The following FHIT variants were observed in gnomAD, a reference collection of about 807,000 sequenced individuals.
The protein encoded by FHIT is bis(5'-adenosyl)-triphosphatase.
FHIT carries 19 observed loss-of-function variants against 17.9 expected under a neutral mutation model. The ratio of observed to expected loss-of-function variants is 1.06; its 90% CI spans 0.74 to 1.56. FHIT has a LOEUF of 1.56. Ranked by LOEUF, FHIT falls within the 40% of genes most tolerant of loss-of-function variation. The pLI is 0.00. For synonymous variants in FHIT, 81 were observed against 69.7 expected, an observed-to-expected ratio of 1.16 and a Z score of -0.81; for missense variants, 248 against 189.2, an observed-to-expected ratio of 1.31 and a Z score of -1.82.
intron 4 of FHIT, among the ~76,000 whole-genome samples, chr3:60,784,642 C>T (rs986152014): frequency 6.6e-6 from 1 of 152,198 alleles, no homozygotes; most frequent in Non-Finnish European, 1.5e-5. Context: ...GGCCTCCTTC[C>T]AGGCTCTGAT....
In FHIT at chr3:60,105,477, G is replaced by A. The variant is rs1041528753; in HGVS notation, c.104-91325C>T. On this transcript the variant is annotated intron_variant, in intron 5 of 9. Transcript: ENST00000492590. ...ATGTGTGGCTTCTCTACTTTTCTAG[G>A]AATTACATTTAAAATGTAAGAGGAC... 2.5e-4 allele frequency among the ~76,000 whole-genome samples: 38 copies of A among 152,090 alleles called. 2 individuals are homozygous for A. Among genetic ancestry groups the A allele is most frequent in the Admixed American group, 1.3e-4 (2 of 15,258 alleles).
chr3:60,154,923 C>G (rs1427994467), intron 5 of FHIT, among the ~76,000 whole-genome samples: 3 of 152,126 alleles, frequency 2.0e-5, no homozygotes, highest in Admixed American at 6.5e-5. Context: ...GGACCAGGCA[C>G]GATGGCTCAC....
chr3:60,387,716 G>A lies in FHIT; in HGVS notation c.103+149144C>T, dbSNP rs528998136. On this transcript the variant is annotated intron_variant, in intron 5 of 9. Coordinates refer to ENST00000492590, the MANE Select transcript of FHIT (RefSeq NM_002012.4). ...TATTGTCACCACAGGCCTTTGAAGC[G>A]ACTATACCCTCAAACACACCATACT... 1.1e-3 allele frequency among the ~76,000 whole-genome samples: 173 copies of A among 152,020 alleles called. 2 individuals carry two copies. Among genetic ancestry groups the A allele is most frequent in the African/African-American group, 3.8e-3 (156 of 41,440 alleles).
At chr3:60,970,076 G>C (rs368574177) in intron 3 of FHIT, among the ~76,000 whole-genome samples, 1 of 151,984 alleles carries the variant, frequency 6.6e-6, no homozygotes, top group African/African-American at 2.4e-5. Flanking sequence ...TGCCTGCCTC[G>C]GCCTCCCAAA....
At chr3:60,023,835 A>G (rs190448199) in intron 5 of FHIT, among the ~76,000 whole-genome samples, 243 of 152,258 alleles carry the variant, frequency 1.6e-3, no homozygotes, top group Non-Finnish European at 2.4e-3. Context: ...AATAAATGTC[A>G]TGTAGGCTTA....
chr3:59,883,578 A>G (rs1193651725), intron 8 of FHIT, among the ~76,000 whole-genome samples: 1 of 152,232 alleles, frequency 6.6e-6, no homozygotes, highest in Admixed American at 6.5e-5. Flanking sequence ...CTCACAACAC[A>G]TGAGAATCAT....
chr3:60,589,037 G>A (rs188495255), intron 4 of FHIT, among the ~76,000 whole-genome samples: 113 of 152,104 alleles, frequency 7.4e-4, no homozygotes, highest in African/African-American at 2.6e-3. Flanking sequence ...GGAGCCTATG[G>A]GTTCTACCGG....
At chr3:60,013,746 T>C (rs1203018347) in intron 6 of FHIT, among the ~76,000 whole-genome samples, 4 of 152,178 alleles carry the variant, frequency 2.6e-5, no homozygotes, top group African/African-American at 9.7e-5. Context: ...TTGGAATGTC[T>C]GAATGTCCAT....
chr3:60,457,651 A>T (rs191676626), intron 5 of FHIT, among the ~76,000 whole-genome samples: 11 of 151,990 alleles, frequency 7.2e-5, no homozygotes, highest in Non-Finnish European at 1.2e-4. Context: ...GGCAACCTAC[A>T]GAATGGGAGA....
In FHIT at chr3:61,242,470, C is replaced by A. The variant is rs542067860; in HGVS notation, c.-213+8831G>T. Among the ~76,000 whole-genome samples, 9 of 152,184 alleles carry A rather than the reference C, an allele frequency of 5.9e-5. No individual in the cohort carries two copies. In the South Asian group the frequency reaches 1.7e-3, roughly 28 times the overall value. On this transcript the variant is annotated intron_variant, in intron 1 of 9. Transcript: ENST00000492590. ...TTCATTTACCATACATTTTCCTAGTCATTTTTTCACAGTTTATCCCCCTAC... is the reference window on the plus strand; with the variant it reads ...TTCATTTACCATACATTTTCCTAGTAATTTTTTCACAGTTTATCCCCCTAC...
intron 8 of FHIT, among the ~76,000 whole-genome samples, chr3:59,864,379 G>A (rs977369583): frequency 4.6e-5 from 7 of 152,122 alleles, no homozygotes; most frequent in Non-Finnish European, 7.4e-5. Context: ...CTGCCACCAT[G>A]TAAGAAGTGC....
chr3:60,142,170 C>A lies in FHIT; in HGVS notation c.104-128018G>T, dbSNP rs900928072. Among the ~76,000 whole-genome samples the A allele has an allele frequency of 5.3e-5, 8 of 152,152 alleles. No homozygotes were observed. The South Asian group carries it at 1.7e-3, about 31-fold the overall frequency. The stretch of plus-strand genomic sequence containing the variant: ...CAAGAATGTAAGATCTAAAGCCAGC[C>A]TTTATCAGCTCAAATCATGACTCTG... On this transcript the variant is annotated intron_variant, in intron 5 of 9. Transcript: ENST00000492590.
At chr3:60,900,073 G>A (rs140782555) in intron 3 of FHIT, among the ~76,000 whole-genome samples, 1 of 152,312 alleles carries the variant, frequency 6.6e-6, no homozygotes, top group East Asian at 1.9e-4. Flanking sequence ...AGAGTTGGGG[G>A]CAGCTTCAAG....
intron 5 of FHIT, among the ~76,000 whole-genome samples, chr3:60,431,312 TAGTATTTA>T (rs1702892407): frequency 6.6e-6 from 1 of 152,108 alleles, no homozygotes; most frequent in African/African-American, 2.4e-5. Flanking sequence ...CCTAATGATT[TAGTATTTA>T]AGTTTTCTTT....
In FHIT at chr3:60,035,422, G is replaced by GA. The variant is rs1298175570; in HGVS notation, c.104-21271dup. Among the ~76,000 whole-genome samples the GA allele has an allele frequency of 5.1e-4, 78 of 152,320 alleles. 1 individual carries two copies. The highest frequency in any genetic ancestry group is 1.2e-3 in the African/African-American group (50 of 41,560). ...CAGCTAATTTTTTGTATTTTTAGTA[G>GA]AGAAGAGGTTTCACCTTGTTGGCCA... On this transcript the variant is annotated intron_variant, in intron 5 of 9. Coordinates refer to ENST00000492590, the MANE Select transcript of FHIT (RefSeq NM_002012.4).
intron 3 of FHIT, among the ~76,000 whole-genome samples, chr3:60,928,522 C>T (rs1176174067): frequency 1.3e-5 from 2 of 149,608 alleles, no homozygotes; most frequent in Admixed American, 1.3e-4. Flanking sequence ...GCACTCCAGC[C>T]TAGGTGACAG....
chr3:60,337,584 T>C (rs17062786), intron 5 of FHIT, among the ~76,000 whole-genome samples: 6,565 of 152,260 alleles, frequency 0.043, 472 homozygotes, highest in African/African-American at 0.15. Context: ...CATAAACCTA[T>C]GGCAAAAATA....
chr3:60,776,549 T>C (rs1700221859), intron 4 of FHIT, among the ~76,000 whole-genome samples: 1 of 152,192 alleles, frequency 6.6e-6, no homozygotes, highest in Admixed American at 6.5e-5. Flanking sequence ...GGTTACAAAC[T>C]GCTTTTTGGG....
intron 5 of FHIT, among the ~76,000 whole-genome samples, chr3:60,530,946 T>G (rs2035754605): frequency 6.6e-6 from 1 of 152,226 alleles, no homozygotes; most frequent in Admixed American, 6.5e-5. Flanking sequence ...TGGAAACCTT[T>G]CCCACAGAAG....
Sources: gnomAD v4.1 joint callset for allele counts (sites outside exome capture counted in the v4.1 genomes callset) on GRCh38, gnomAD v4.1.1 for gene constraint, MANE v1.5 for transcripts, NCBI Gene and HGNC (gene_info 2026-07-23, HGNC 2026-07-21) for gene names.